The following CSMD1 variants were observed in gnomAD, a reference collection of about 807,000 sequenced individuals.
CSMD1 encodes the protein CUB and Sushi multiple domains 1, also known as CUB and sushi domain-containing protein 1.
Under a neutral mutation model 417.5 loss-of-function variants are expected in CSMD1, and 213 were observed. The ratio of observed to expected loss-of-function variants is 0.51; its 90% CI spans 0.46 to 0.57. The LOEUF is 0.57. CSMD1 is among the 20% of genes least tolerant of loss of function. The pLI is 0.00. For synonymous variants in CSMD1, 2,862 were observed against 1,736.8 expected (o/e 1.65, Z -16.11); for missense variants, 6,923 against 4,529.7 (o/e 1.53, Z -15.17).
intron 1 of CSMD1, among the ~76,000 whole-genome samples, chr8:4,785,300 G>A (rs116994803): frequency 6.6e-6 from 1 of 152,198 alleles, no homozygotes; most frequent in Non-Finnish European, 1.5e-5. Context: ...CATTGGGCAA[G>A]TTACTGGGGT....
intron 51 of CSMD1, among the ~76,000 whole-genome samples, chr8:3,025,695 A>T (rs1038564183): frequency 6.6e-6 from 1 of 152,248 alleles, no homozygotes; most frequent in Non-Finnish European, 1.5e-5. Context: ...CTGAGAATCC[A>T]GCCACCCTGT....
chr8:3,845,484 G>C (rs978958739), intron 5 of CSMD1, among the ~76,000 whole-genome samples: 2 of 152,152 alleles, frequency 1.3e-5, no homozygotes, highest in African/African-American at 2.4e-5. Context: ...ATAAAAGATA[G>C]AAAATGCTAC....
At chr8:4,803,653 C>G (rs962411809) in intron 1 of CSMD1, among the ~76,000 whole-genome samples, 2 of 152,158 alleles carry the variant, frequency 1.3e-5, no homozygotes, top group Admixed American at 1.3e-4. Flanking sequence ...CAATAGAATT[C>G]AAAATGAAAA....
At position 4,043,352 on chromosome 8, in the gene CSMD1, A is replaced by G. The variant is rs73494609; in HGVS notation, c.416-11253T>C. On this transcript the variant is annotated intron_variant, in intron 3 of 69. Coordinates refer to ENST00000635120, the MANE Select transcript of CSMD1 (RefSeq NM_033225.6). ...AGAAAATGAATGAGAAATACAAAGC[A>G]AACTGCAAGGTGGTAAAATTAAATA... Among the ~76,000 whole-genome samples, 1,324 of 152,324 alleles carry G rather than the reference A, an allele frequency of 8.7e-3. 22 individuals are homozygous for G. Among genetic ancestry groups the G allele is most frequent in the African/African-American group, 0.03 (1,241 of 41,558 alleles).
At chr8:4,379,087 C>G (rs1345678513) in intron 3 of CSMD1, among the ~76,000 whole-genome samples, 2 of 152,086 alleles carry the variant, frequency 1.3e-5, no homozygotes, top group African/African-American at 4.8e-5. Context: ...CAGCCTACAC[C>G]ACCTTACCAA....
At chr8:2,978,491 T>C (rs942855361) in intron 55 of CSMD1, 121 bp downstream of exon 55, 1 of 747,104 alleles carries the variant, frequency 1.3e-6, no homozygotes, top group South Asian at 2.1e-5. Flanking sequence ...CTCCTACAAT[T>C]GGTGATGGGA....
At chr8:3,153,999 C>G (rs112502917) in intron 39 of CSMD1, among the ~76,000 whole-genome samples, 37 of 152,270 alleles carry the variant, frequency 2.4e-4, no homozygotes, top group African/African-American at 8.9e-4. Flanking sequence ...CAGAGTCTTG[C>G]CCTGTCACCC....
intron 5 of CSMD1, among the ~76,000 whole-genome samples, chr8:3,915,859 T>A (rs1808784074): frequency 6.7e-6 from 1 of 149,000 alleles, no homozygotes; most frequent in Non-Finnish European, 1.5e-5. Flanking sequence ...AACTAGAAAC[T>A]TTTCAATTGT....
chr8:3,494,291 C>T (rs889519124), intron 10 of CSMD1, among the ~76,000 whole-genome samples: 1 of 152,102 alleles, frequency 6.6e-6, no homozygotes, highest in African/African-American at 2.4e-5. Context: ...ACCAAGACAT[C>T]TGTACAACAA....
At chr8:4,463,421 T>C (rs1311850927) in intron 2 of CSMD1, among the ~76,000 whole-genome samples, 1 of 152,172 alleles carries the variant, frequency 6.6e-6, no homozygotes, top group Non-Finnish European at 1.5e-5. Context: ...CCACAGCTAG[T>C]TCTATACTTA....
At chr8:3,652,230 C>A (rs574931760) in intron 7 of CSMD1, among the ~76,000 whole-genome samples, 13 of 151,806 alleles carry the variant, frequency 8.6e-5, no homozygotes, top group Admixed American at 7.9e-4. Context: ...CCATCACCAC[C>A]AGAGCGCCTA....
At chr8:3,138,050 A>T (rs948638683) in intron 41 of CSMD1, among the ~76,000 whole-genome samples, 1 of 152,014 alleles carries the variant, frequency 6.6e-6, no homozygotes, top group Admixed American at 6.6e-5. Context: ...CATGGGTGAA[A>T]CCCTGTCTCT....
chr8:3,883,300 C>A (rs756539009), intron 5 of CSMD1, among the ~76,000 whole-genome samples: 13 of 152,022 alleles, frequency 8.6e-5, no homozygotes, highest in Non-Finnish European at 1.6e-4. Context: ...ACTGTGAGAA[C>A]TGAACGACAT....
chr8:4,258,783 C>G (rs761779329), intron 3 of CSMD1, among the ~76,000 whole-genome samples: 1 of 152,040 alleles, frequency 6.6e-6, no homozygotes, highest in Non-Finnish European at 1.5e-5. Flanking sequence ...GTGTAACCAG[C>G]TGAATATTTA....
At chr8:4,566,377 G>A (rs1798607229) in intron 2 of CSMD1, among the ~76,000 whole-genome samples, 1 of 152,086 alleles carries the variant, frequency 6.6e-6, no homozygotes, top group South Asian at 2.1e-4. Context: ...TAGTTGGCCG[G>A]GCGTGGTGGC....
intron 51 of CSMD1, among the ~76,000 whole-genome samples, 158 bp from the exon 52 acceptor site, chr8:3,018,808 T>C (rs150190683): frequency 2.0e-5 from 3 of 152,312 alleles, no homozygotes; most frequent in East Asian, 3.9e-4. Flanking sequence ...TAGGGCTGGA[T>C]AGACCAGTCA....
chr8:4,077,299 A>ATATATATATATATATATATG (rs1554439881), intron 3 of CSMD1, among the ~76,000 whole-genome samples: 14 of 66,122 alleles, frequency 2.1e-4, no homozygotes, highest in African/African-American at 5.8e-4. Flanking sequence ...ATATATGTGT[A>ATATATATATATATATATATG]TATATATATA....
intron 5 of CSMD1, among the ~76,000 whole-genome samples, chr8:3,833,775 C>G (rs1321929151): frequency 2.0e-5 from 3 of 152,058 alleles, no homozygotes; most frequent in African/African-American, 7.2e-5. Context: ...GTTCTCTTCT[C>G]TTGGTAAACT....
chr8:4,275,302 T>G (rs809028), intron 3 of CSMD1, among the ~76,000 whole-genome samples: 1 of 152,068 alleles, frequency 6.6e-6, no homozygotes, highest in African/African-American at 2.4e-5. Flanking sequence ...GAACAGAAAC[T>G]GTAAGGTCAG....
Sources: allele counts gnomAD v4.1 joint callset (sites outside exome capture counted in the v4.1 genomes callset), GRCh38; gene constraint gnomAD v4.1.1; transcripts MANE v1.5; gene names NCBI Gene and HGNC (gene_info 2026-07-23, HGNC 2026-07-21).